The following THOC2 variants were observed in gnomAD, a reference collection of about 807,000 sequenced individuals.
THOC2 encodes THO complex 2.
A neutral mutation model predicts 128.4 loss-of-function variants in THOC2; 10 were observed. The ratio of observed to expected loss-of-function variants is 0.08; its 90% CI spans 0.05 to 0.13. THOC2 has a LOEUF of 0.13. Among genes scored for constraint, THOC2 ranks in the 10% least tolerant of loss-of-function variants. The probability of loss-of-function intolerance (pLI) is 1.00; values close to 1 mark genes in which losing one functional copy is unlikely to be tolerated. For missense variants in THOC2, 535 were observed against 1,155.7 expected (o/e 0.46, Z 7.79); for synonymous variants, 393 against 396.9 (o/e 0.99, Z 0.12).
chrX:123,618,663 G>A (rs1483086895), intron 33 of THOC2, among the ~76,000 whole-genome samples: 2 of 111,626 alleles, frequency 1.8e-5, no homozygotes, highest in Admixed American at 1.9e-4. Context: ...TCAAAGAAGG[G>A]TACACGTTTT....
chrX:123,698,640 C>G (rs1446028331), intron 4 of THOC2, among the ~76,000 whole-genome samples: 1 of 108,436 alleles, frequency 9.2e-6, no homozygotes, highest in Non-Finnish European at 1.9e-5. Context: ...TTTGGGAGGC[C>G]GAAGCGGGTG....
chrX:123,657,716 C>G (rs1168742890), intron 12 of THOC2, among the ~76,000 whole-genome samples: 1 of 110,327 alleles, frequency 9.1e-6, no homozygotes, highest in Non-Finnish European at 1.9e-5. Flanking sequence ...AAGACTTTCT[C>G]AGACAAAAAC....
chrX:123,718,288 A>C (rs6649068), intron 1 of THOC2, among the ~76,000 whole-genome samples: 30,567 of 111,063 alleles, frequency 0.28, 3,276 homozygotes, highest in East Asian at 0.68. Flanking sequence ...TACAAAAATC[A>C]ACTCAAAATG....
At position 123,682,022 on chromosome X, in the gene THOC2, C is replaced by T. The variant is rs139109141; in HGVS notation, c.768+4526G>A. ...TGCGATGAGCCGAGATTGCGCCATG[C>T]GCTCCAGCCTGGGCAACAGGAGTGA... On this transcript the variant is annotated intron_variant, in intron 8 of 38. Transcript: ENST00000245838. Among the ~76,000 whole-genome samples the T allele has an allele frequency of 8.0e-4, 89 of 111,366 alleles. 1 individual carries two copies. In the East Asian group the frequency reaches 0.02, roughly 25 times the overall value.
intron 12 of THOC2, among the ~76,000 whole-genome samples, chrX:123,646,980 GAC>G (rs1569366562): frequency 9.0e-6 from 1 of 111,419 alleles, no homozygotes; most frequent in African/African-American, 3.3e-5. Flanking sequence ...CTAATAAAGC[GAC>G]ACACAGTTTT....
rs1167221556 is a variant in THOC2 at position 123,733,045 on chromosome X, G to A, written c.-23C>T. 15 of 1,198,963 alleles carry A rather than the reference G, an allele frequency of 1.3e-5. No homozygotes were observed. Among genetic ancestry groups the A allele is most frequent in the Non-Finnish European group, 1.6e-5 (14 of 885,198 alleles). On this transcript the variant is annotated 5_prime_UTR_variant, in exon 1 of 39. Coordinates refer to ENST00000245838, the MANE Select transcript of THOC2 (RefSeq NM_001081550.2). ...CATCTTCCTCTCACTAGTAGCAGAA[G>A]CCCGGATGTGTAGCACGCGAGCGAA...
chrX:123,616,600 T>G (rs1431110416), intron 33 of THOC2, among the ~76,000 whole-genome samples: 1 of 109,898 alleles, frequency 9.1e-6, no homozygotes, highest in Non-Finnish European at 1.9e-5. Context: ...AATTGAAAGC[T>G]AAATTCTGTC....
At chrX:123,613,920 G>T in intron 34 of THOC2, 132 bp downstream of exon 34, 1 of 746,893 alleles carries the variant, frequency 1.3e-6, no homozygotes, top group Non-Finnish European at 1.9e-6. Context: ...AACACTTCAG[G>T]GTAAAAATAT....
intron 4 of THOC2, among the ~76,000 whole-genome samples, chrX:123,701,070 A>G (rs934972120): frequency 9.0e-5 from 10 of 110,909 alleles, no homozygotes; most frequent in Non-Finnish European, 1.9e-4. Flanking sequence ...TGGACTGGAT[A>G]GGCCGGGCAC....
chrX:123,654,641 C>T (rs1015451552), intron 12 of THOC2, among the ~76,000 whole-genome samples: 14 of 105,322 alleles, frequency 1.3e-4, no homozygotes, highest in Middle Eastern at 4.9e-3. Context: ...CACCTGTAAT[C>T]CCAGCTACTC....
At chrX:123,697,152 TAC>T (rs1172352255) in intron 5 of THOC2, among the ~76,000 whole-genome samples, 1 of 112,103 alleles carries the variant, frequency 8.9e-6, no homozygotes, top group East Asian at 2.8e-4. Context: ...TTTCACCTAA[TAC>T]AGCACTTAAT....
intron 8 of THOC2, among the ~76,000 whole-genome samples, chrX:123,681,346 G>T (rs757129736): frequency 9.8e-6 from 1 of 101,705 alleles, no homozygotes; most frequent in East Asian, 3.7e-4. Flanking sequence ...TCAACCTGCA[G>T]ATAATTTGTT....
intron 1 of THOC2, among the ~76,000 whole-genome samples, chrX:123,721,313 C>T (rs1163348042): frequency 5.5e-5 from 6 of 108,924 alleles, no homozygotes; most frequent in African/African-American, 2.0e-4. Flanking sequence ...GCTGGGATTA[C>T]AGGTGTGCAC....
intron 27 of THOC2, 36 bp from the exon 28 acceptor site, chrX:123,624,007 G>A: frequency 8.5e-7 from 1 of 1,180,588 alleles, no homozygotes; most frequent in African/African-American, 1.8e-5. Context: ...TATTATAAAA[G>A]CACAAGTATA....
intron 1 of THOC2, among the ~76,000 whole-genome samples, chrX:123,719,664 C>T (rs377756852): frequency 6.4e-5 from 7 of 109,023 alleles, no homozygotes; most frequent in Non-Finnish European, 1.1e-4. Context: ...CAGCCAGGCA[C>T]GGTGGCCCAT....
chrX:123,702,857 T>A (rs1287274491), intron 4 of THOC2, among the ~76,000 whole-genome samples: 1 of 110,194 alleles, frequency 9.1e-6, no homozygotes, highest in African/African-American at 3.3e-5. Flanking sequence ...GAGAAAAAAA[T>A]TATAATAAAC....
At chrX:123,649,916 G>A (rs1208294968) in intron 12 of THOC2, among the ~76,000 whole-genome samples, 3 of 111,659 alleles carry the variant, frequency 2.7e-5, no homozygotes, top group Non-Finnish European at 5.6e-5. Context: ...CTCCAATCTA[G>A]CAAGACAGGC....
At chrX:123,641,966 A>G (rs951999706) in intron 15 of THOC2, among the ~76,000 whole-genome samples, 4 of 112,402 alleles carry the variant, frequency 3.6e-5, no homozygotes, top group Non-Finnish European at 7.5e-5. Context: ...GCTTACAAAT[A>G]TAACAAAAAT....
At chrX:123,692,494 CTTTTT>C (rs984272905) in intron 7 of THOC2, among the ~76,000 whole-genome samples, 1 of 56,910 alleles carries the variant, frequency 1.8e-5, no homozygotes, top group Non-Finnish European at 3.0e-5. Context: ...AAATAACTGC[CTTTTT>C]TTTTTTTTTT....
Sources: allele counts gnomAD v4.1 joint callset (sites outside exome capture counted in the v4.1 genomes callset), GRCh38; gene constraint gnomAD v4.1.1; transcripts MANE v1.5; gene names NCBI Gene and HGNC (gene_info 2026-07-23, HGNC 2026-07-21).